Variants in XKR4 observed in about 807,000 individuals in gnomAD.
XKR4 encodes the protein XK related 4, also known as XK-related protein 4.
XKR4 carries 12 observed loss-of-function variants against 53.9 expected under a neutral mutation model. The ratio of observed to expected loss-of-function variants is 0.22; its 90% CI spans 0.14 to 0.36. XKR4 has a LOEUF of 0.36. Ranked by LOEUF, XKR4 falls within the 10% of genes least tolerant of loss-of-function variation. XKR4 has a pLI of 1.00. For synonymous variants in XKR4, 354 were observed against 362.4 expected, an observed-to-expected ratio of 0.98 and a Z score of 0.26; for missense variants, 799 against 859.5, an observed-to-expected ratio of 0.93 and a Z score of 0.88.
At chr8:55,112,060 T>C (rs1250675628) in intron 1 of XKR4, among the ~76,000 whole-genome samples, 2 of 152,180 alleles carry the variant, frequency 1.3e-5, no homozygotes, top group Non-Finnish European at 2.9e-5. Context: ...TTCTTAGAAA[T>C]CTGATGTGAA....
intron 1 of XKR4, among the ~76,000 whole-genome samples, chr8:55,314,094 G>A (rs1017496989): frequency 5.3e-5 from 8 of 152,166 alleles, no homozygotes; most frequent in East Asian, 3.8e-4. Context: ...TACAATTTCA[G>A]GATTCATCCA....
At chr8:55,187,881 T>C (rs1817400064) in intron 1 of XKR4, among the ~76,000 whole-genome samples, 1 of 152,240 alleles carries the variant, frequency 6.6e-6, no homozygotes, top group East Asian at 1.9e-4. Flanking sequence ...GTAAGCAATT[T>C]CTTGCATTTA....
chr8:55,139,442 C>G (rs932968639), intron 1 of XKR4, among the ~76,000 whole-genome samples: 1 of 142,564 alleles, frequency 7.0e-6, no homozygotes, highest in African/African-American at 2.7e-5. Context: ...GAGGCTGAGG[C>G]AGGAGGATTG....
chr8:55,452,825 C>T lies in XKR4; in HGVS notation c.1007-70456C>T, dbSNP rs559908413. On this transcript the variant is annotated intron_variant, in intron 2 of 2. Transcript: ENST00000327381. ...GGACCAGGCTGTTGCTGGTGCTCTC[C>T]AGGTCACCCAGCTCCTGAAGCAGGC... 26 of 769,200 alleles carry T rather than the reference C, an allele frequency of 3.4e-5. No homozygotes were observed. In the East Asian group the frequency reaches 4.9e-4, roughly 15 times the overall value. The allele number at this position is 769,200 out of a possible 1,614,324, so 47.6% of individuals were successfully genotyped here.
intron 1 of XKR4, among the ~76,000 whole-genome samples, chr8:55,122,400 A>C (rs2129352109): frequency 6.6e-6 from 1 of 152,362 alleles, no homozygotes; most frequent in Non-Finnish European, 1.5e-5. Context: ...ATTTTACATG[A>C]TGCATTATGA....
intron 1 of XKR4, among the ~76,000 whole-genome samples, chr8:55,126,589 TG>T (rs1196201030): frequency 1.3e-5 from 2 of 152,182 alleles, no homozygotes; most frequent in Admixed American, 6.5e-5. Flanking sequence ...TGGAATATGA[TG>T]GGGAGAACAG....
intron 1 of XKR4, among the ~76,000 whole-genome samples, chr8:55,350,061 T>A (rs974966090): frequency 1.3e-5 from 2 of 152,224 alleles, no homozygotes; most frequent in African/African-American, 4.8e-5. Context: ...TGGGATACAT[T>A]GGCTATACTA....
intron 2 of XKR4, among the ~76,000 whole-genome samples, chr8:55,388,928 C>A (rs1398947452): frequency 6.6e-6 from 1 of 152,128 alleles, no homozygotes; most frequent in East Asian, 1.9e-4. Context: ...GAGTCTTATG[C>A]CTCAGCACCT....
At chr8:55,151,109 A>G (rs1299958390) in intron 1 of XKR4, among the ~76,000 whole-genome samples, 2 of 152,204 alleles carry the variant, frequency 1.3e-5, no homozygotes. Flanking sequence ...TCTTTTATTT[A>G]TCATCTCTCA....
intron 2 of XKR4, among the ~76,000 whole-genome samples, chr8:55,447,055 G>GAAA (rs5891573): frequency 9.8e-5 from 13 of 132,392 alleles, no homozygotes; most frequent in South Asian, 2.4e-4. Context: ...ACCTGATTGG[G>GAAA]AAAAAAAAAA....
intron 1 of XKR4, among the ~76,000 whole-genome samples, chr8:55,257,983 C>A (rs1042412742): frequency 6.6e-6 from 1 of 152,230 alleles, no homozygotes; most frequent in Non-Finnish European, 1.5e-5. Context: ...TGAAATAGCT[C>A]AGACCGTGGG....
At chr8:55,352,916 G>C (rs185327463) in intron 1 of XKR4, among the ~76,000 whole-genome samples, 18 of 152,318 alleles carry the variant, frequency 1.2e-4, no homozygotes, top group Non-Finnish European at 2.4e-4. Context: ...CCTAGATTTA[G>C]CTTAATGGAT....
chr8:55,449,726 C>T (rs1211861595), intron 2 of XKR4: 3 of 927,704 alleles, frequency 3.2e-6, no homozygotes, highest in East Asian at 2.4e-5. Context: ...AGTGTCCACA[C>T]GGTGGTCGTA....
chr8:55,523,810 C>A lies in XKR4; in HGVS notation c.1536C>A (p.Phe512Leu). ...TTTTTATGCTGATGTATTATGCCTT[C>A]TTTCATCCCAATGGACCCAGATTCG... ...GVVFMLMYYA[F>L]FHPNGPRFGQ... is the part of the protein sequence containing the mutation. The change falls in exon 3 of 3, where the codon TTC (phenylalanine) becomes TTA (leucine). Residue 512 changes from phenylalanine to leucine, a missense_variant. Physicochemically the swap from Phe to Leu is conservative, Grantham distance 22 (BLOSUM62 0). Around this residue, in one of 3 missense-constraint regions of XKR4, gnomAD observed 269 missense variants for 264.4 expected, o/e 1.02. Transcript: ENST00000327381. The A allele has an allele frequency of 6.2e-7, 1 of 1,614,216 alleles. No homozygotes were observed. Among genetic ancestry groups the A allele is most frequent in the Non-Finnish European group, 8.5e-7 (1 of 1,180,038 alleles).
intron 1 of XKR4, among the ~76,000 whole-genome samples, chr8:55,152,612 A>C (rs760752260): frequency 2.0e-5 from 3 of 152,178 alleles, no homozygotes; most frequent in Non-Finnish European, 4.4e-5. Context: ...TTATATACCA[A>C]ATCTAGCAAT....
chr8:55,238,896 G>T (rs542819404), intron 1 of XKR4, among the ~76,000 whole-genome samples: 3 of 152,262 alleles, frequency 2.0e-5, no homozygotes, highest in Non-Finnish European at 4.4e-5. Context: ...GTTCATATAG[G>T]TAGTAAATAA....
At chr8:55,258,836 A>G (rs1295703267) in intron 1 of XKR4, among the ~76,000 whole-genome samples, 2 of 152,152 alleles carry the variant, frequency 1.3e-5, no homozygotes, top group Non-Finnish European at 2.9e-5. Context: ...AAAGTTCAGG[A>G]CCTGTGGCCC....
chr8:55,368,627 C>T (rs1380902852), intron 2 of XKR4, among the ~76,000 whole-genome samples: 2 of 152,200 alleles, frequency 1.3e-5, no homozygotes, highest in Non-Finnish European at 2.9e-5. Context: ...GCGTGATTTT[C>T]TCTTTGGACT....
intron 1 of XKR4, among the ~76,000 whole-genome samples, chr8:55,335,318 T>C (rs953225865): frequency 2.0e-5 from 3 of 152,136 alleles, no homozygotes; most frequent in Admixed American, 6.6e-5. Flanking sequence ...TTATTTGAAG[T>C]AGAGAGCTTC....
Sources: allele counts gnomAD v4.1 joint callset (sites outside exome capture counted in the v4.1 genomes callset), GRCh38; gene constraint gnomAD v4.1.1; regional missense constraint gnomAD v4.1.1; transcripts MANE v1.5; gene names NCBI Gene and HGNC (gene_info 2026-07-23, HGNC 2026-07-21).